DPH6: variants seen among roughly 807,000 people sequenced by gnomAD.
DPH6 encodes the protein diphthamine biosynthesis 6.
DPH6 carries 33 observed loss-of-function variants against 38.2 expected under a neutral mutation model. That is an observed-to-expected ratio of 0.86 (90% CI 0.65 to 1.15). DPH6 has a LOEUF of 1.15. Among genes scored for constraint, DPH6 ranks in the 50% most tolerant of loss-of-function variants. DPH6 has a pLI of 0.00. For missense variants in DPH6, 325 were observed against 320.0 expected (o/e 1.02, Z -0.12); for synonymous variants, 108 against 103.0 (o/e 1.05, Z -0.30).
At chr15:35,299,069 C>T in intron 3 of DPH6, 1 of 752,772 alleles carries the variant, frequency 1.3e-6, no homozygotes, top group South Asian at 1.6e-5. Context: ...TTTCTTCTGT[C>T]TTTCCAGCTC....
intron 1 of DPH6, among the ~76,000 whole-genome samples, chr15:35,543,263 TA>T (rs2055291693): frequency 2.8e-3 from 25 of 8,948 alleles, no homozygotes; most frequent in African/African-American, 4.7e-3. Flanking sequence ...ACACATAATA[TA>T]TATATATATA....
At chr15:35,431,974 G>C (rs941367506) in intron 5 of DPH6, among the ~76,000 whole-genome samples, 1 of 152,044 alleles carries the variant, frequency 6.6e-6, no homozygotes, top group African/African-American at 2.4e-5. Context: ...GCAAACTTTT[G>C]ACAAATACCA....
intron 3 of DPH6, among the ~76,000 whole-genome samples, chr15:35,333,055 G>C (rs934118638): frequency 6.7e-6 from 1 of 148,592 alleles, no homozygotes; most frequent in Non-Finnish European, 1.5e-5. Flanking sequence ...GAAGGAAAAA[G>C]ATTAGTGAGC....
intron 3 of DPH6, among the ~76,000 whole-genome samples, chr15:35,503,715 C>G (rs1484799893): frequency 6.6e-6 from 1 of 152,084 alleles, no homozygotes; most frequent in Non-Finnish European, 1.5e-5. Context: ...ATCTAAATGT[C>G]TCTCATCTTG....
intron 3 of DPH6, among the ~76,000 whole-genome samples, chr15:35,355,147 C>A (rs2052548714): frequency 6.6e-6 from 1 of 152,106 alleles, no homozygotes; most frequent in African/African-American, 2.4e-5. Context: ...GGGAGATCTT[C>A]CTCCATCCGT....
intron 3 of DPH6, among the ~76,000 whole-genome samples, chr15:35,320,947 T>A (rs1358562058): frequency 2.6e-5 from 4 of 152,014 alleles, no homozygotes; most frequent in Admixed American, 6.6e-5. Flanking sequence ...ATGAGTGGAG[T>A]CAGCTGGTCA....
the DPH6 span, chr15:35,181,788 G>A: frequency 6.6e-6 from 1 of 152,142 alleles, no homozygotes; most frequent in South Asian, 2.1e-4. Flanking sequence ...ATACCAACCA[G>A]AAAAGAAGTC....
chr15:35,461,232 T>C (rs2054063614), intron 3 of DPH6, among the ~76,000 whole-genome samples: 1 of 152,202 alleles, frequency 6.6e-6, no homozygotes, highest in Non-Finnish European at 1.5e-5. Context: ...TACAGGCGCG[T>C]GCCACCATAC....
At chr15:35,418,971 T>C (rs897447895) in intron 5 of DPH6, among the ~76,000 whole-genome samples, 1 of 152,000 alleles carries the variant, frequency 6.6e-6, no homozygotes, top group African/African-American at 2.4e-5. Flanking sequence ...ATAATCACTC[T>C]GAGAAGCAAT....
Position 35,239,514 on chromosome 15 carries a change from G to A in DPH6, n.201-18932C>T, listed in dbSNP as rs536691461. 9.2e-4 allele frequency among the ~76,000 whole-genome samples: 133 copies of A among 143,830 alleles called. 20 individuals carry two copies. The highest frequency in any genetic ancestry group is 1.6e-3 in the Non-Finnish European group (103 of 65,380). The allele number at this position is 143,830 out of a possible 152,430, so 94.4% of individuals were successfully genotyped here. ...CCTGCCTTGGTCCTTCACCCTTAGC[G>A]GCAAGTCCCGCTTTTCTGGGGAAGG... On this transcript the variant is annotated intron_variant and non_coding_transcript_variant, in intron 3 of 3. Transcript: ENST00000560386.
At chr15:35,531,924 C>T (rs2055093839) in intron 3 of DPH6, among the ~76,000 whole-genome samples, 1 of 152,006 alleles carries the variant, frequency 6.6e-6, no homozygotes, top group African/African-American at 2.4e-5. Flanking sequence ...CTAGCAAAAG[C>T]GACAGCCACA....
chr15:35,278,457 G>C (rs1171253743), intron 3 of DPH6, among the ~76,000 whole-genome samples: 1 of 152,234 alleles, frequency 6.6e-6, no homozygotes, highest in Non-Finnish European at 1.5e-5. Flanking sequence ...TGCAGGGGTA[G>C]AGCCCCCGCA....
intron 6 of DPH6, chr15:35,401,706 C>G: frequency 2.7e-6 from 2 of 732,024 alleles, no homozygotes; most frequent in Non-Finnish European, 5.0e-6. Flanking sequence ...CAAACCACGA[C>G]ACCAAGGTGG....
chr15:35,510,681 T>C (rs2054757582), intron 3 of DPH6, among the ~76,000 whole-genome samples: 1 of 152,160 alleles, frequency 6.6e-6, no homozygotes, highest in Non-Finnish European at 1.5e-5. Context: ...GAAAATTTTT[T>C]CAACCATCAT....
At chr15:35,327,960 C>T (rs773386830), downstream of DPH6, among the ~76,000 whole-genome samples, 3 of 152,118 alleles carry the variant, frequency 2.0e-5, no homozygotes, top group Admixed American at 6.5e-5. Flanking sequence ...CATTGCAAAC[C>T]CTCCAGCTAT....
rs186447257 is a variant in DPH6, at chr15:35,251,923, G to A, written n.201-31341C>T. On this transcript the variant is annotated intron_variant and non_coding_transcript_variant, in intron 3 of 3. Transcript: ENST00000560386. Reference sequence around the variant, plus strand: ...GGAGGCTGTGGCAGGTTTATCACCTGAGGTCAGGGGTTCAAGACCAGCCTG... The same window carrying A: ...GGAGGCTGTGGCAGGTTTATCACCTAAGGTCAGGGGTTCAAGACCAGCCTG... 4.7e-4 allele frequency among the ~76,000 whole-genome samples: 71 copies of A among 152,318 alleles called. 1 individual carries two copies. Among genetic ancestry groups the A allele is most frequent in the Non-Finnish European group, 7.1e-4 (48 of 68,022 alleles).
At chr15:35,419,666 A>G (rs1270635650) in intron 5 of DPH6, among the ~76,000 whole-genome samples, 2 of 152,308 alleles carry the variant, frequency 1.3e-5, no homozygotes, top group East Asian at 3.9e-4. Flanking sequence ...CTTAGACAGA[A>G]TAGGTTTTAG....
chr15:35,203,658 A>G, the DPH6 span, among the ~76,000 whole-genome samples: 1 of 151,812 alleles, frequency 6.6e-6, no homozygotes, highest in Non-Finnish European at 1.5e-5. Flanking sequence ...TGTGTATTTT[A>G]GCTATTAAAA....
intron 3 of DPH6, among the ~76,000 whole-genome samples, chr15:35,356,975 G>T (rs370620703): frequency 2.0e-5 from 3 of 152,154 alleles, no homozygotes; most frequent in Non-Finnish European, 4.4e-5. Context: ...CTCAAGCCTC[G>T]GCAGTGGCGG....
Sources: gnomAD v4.1 joint callset for allele counts (sites outside exome capture counted in the v4.1 genomes callset) on GRCh38, gnomAD v4.1.1 for gene constraint, MANE v1.5 for transcripts, NCBI Gene and HGNC (gene_info 2026-07-23, HGNC 2026-07-21) for gene names.